The following POLR3B variants were observed in gnomAD, a reference collection of about 807,000 sequenced individuals.
POLR3B encodes the protein RNA polymerase III subunit B, also known as DNA-directed RNA polymerase III subunit RPC2.
POLR3B carries 96 observed loss-of-function variants against 147.4 expected under a neutral mutation model. The observed-to-expected ratio is 0.65, with a 90% CI of 0.55 to 0.77. The LOEUF (loss-of-function observed/expected upper bound fraction) is 0.77. POLR3B is among the 30% of genes least tolerant of loss of function. POLR3B has a pLI of 0.00. For synonymous variants in POLR3B, 461 were observed against 485.9 expected (o/e 0.95, Z 0.67); for missense variants, 1,036 against 1,413.5 (o/e 0.73, Z 4.28).
chr12:106,369,279 C>A lies in POLR3B; in HGVS notation c.232C>A (p.Leu78Ile). 1 of 1,563,332 alleles carries A rather than the reference C, an allele frequency of 6.4e-7. No individual in the cohort carries two copies. Among genetic ancestry groups the A allele is most frequent in the Non-Finnish European group, 8.8e-7 (1 of 1,133,712 alleles). ...CCGCACTAATTTGCTTTTCAGATAT[C>A]TTAATATCTATGTTGGGCTTCCTGA... ...DADPMWYLKY[L>I]NIYVGLPDVE... The change falls in exon 5 of 28, where the codon CTT becomes ATT. Residue 78 changes from leucine to isoleucine, a missense_variant. Coordinates refer to ENST00000228347, the MANE Select transcript of POLR3B (RefSeq NM_018082.6).
chr12:106,422,187 T>A (rs1366734095), intron 12 of POLR3B, among the ~76,000 whole-genome samples: 1 of 152,118 alleles, frequency 6.6e-6, no homozygotes, highest in African/African-American at 2.4e-5. Context: ...GGGGGTGGTT[T>A]TTAATGGCTT....
At chr12:106,405,808 C>G in intron 10 of POLR3B, 49 bp from the exon 11 acceptor site, 1 of 1,594,802 alleles carries the variant, frequency 6.3e-7, no homozygotes, top group Middle Eastern at 1.8e-4. Context: ...GCTTGCTAAA[C>G]TACCTCCAGT....
At chr12:106,481,647 C>G (rs530337199) in intron 23 of POLR3B, among the ~76,000 whole-genome samples, 5 of 152,308 alleles carry the variant, frequency 3.3e-5, no homozygotes, top group Admixed American at 6.5e-5. Context: ...CCCACTGATA[C>G]CACTGTGCCC....
intron 18 of POLR3B, among the ~76,000 whole-genome samples, chr12:106,443,487 T>C (rs2037680240): frequency 6.6e-6 from 1 of 152,160 alleles, no homozygotes; most frequent in African/African-American, 2.4e-5. Flanking sequence ...GTCTAGTGGC[T>C]ATGGTATTGG....
At chr12:106,365,480 G>A (rs1436410282) in intron 2 of POLR3B, among the ~76,000 whole-genome samples, 7 of 152,102 alleles carry the variant, frequency 4.6e-5, no homozygotes, top group Non-Finnish European at 5.9e-5. Context: ...TCTGCCTCCC[G>A]AGTAGCTGTG....
At chr12:106,458,898 T>C (rs979212230) in intron 21 of POLR3B, among the ~76,000 whole-genome samples, 9 of 152,210 alleles carry the variant, frequency 5.9e-5, no homozygotes, top group Non-Finnish European at 1.2e-4. Context: ...TTGAAATAAC[T>C]ATAAATAAAA....
At chr12:106,390,309 G>A (rs2136914232) in intron 9 of POLR3B, among the ~76,000 whole-genome samples, 1 of 143,224 alleles carries the variant, frequency 7.0e-6, no homozygotes, top group East Asian at 2.1e-4. Flanking sequence ...GGAGCATTTT[G>A]GATTTTCAGA....
chr12:106,465,466 A>G (rs1191201243), intron 23 of POLR3B, among the ~76,000 whole-genome samples: 1 of 124,174 alleles, frequency 8.1e-6, no homozygotes, highest in East Asian at 1.9e-4. Context: ...TAATTCCACT[A>G]AACTTTTTTT....
At chr12:106,462,655 G>A (rs2037955576) in intron 22 of POLR3B, among the ~76,000 whole-genome samples, 1 of 152,186 alleles carries the variant, frequency 6.6e-6, no homozygotes, top group Admixed American at 6.5e-5. Context: ...GGTGTCCTTA[G>A]CACACCTCCC....
intron 12 of POLR3B, among the ~76,000 whole-genome samples, chr12:106,416,864 C>G (rs1024133538): frequency 2.0e-5 from 3 of 152,054 alleles, no homozygotes; most frequent in African/African-American, 7.2e-5. Context: ...TCAAACATAC[C>G]ATAATGCTCT....
At chr12:106,409,346 GTTTTTTTTGTTT>G (rs1313330698) in intron 11 of POLR3B, among the ~76,000 whole-genome samples, 25 of 67,474 alleles carry the variant, frequency 3.7e-4, no homozygotes, top group Admixed American at 3.3e-3. Flanking sequence ...TTGTAAGAGG[GTTTTTTTTGTTT>G]TTTTTTTTTT....
intron 12 of POLR3B, among the ~76,000 whole-genome samples, chr12:106,425,530 C>T (rs769844033): frequency 1.3e-5 from 2 of 152,120 alleles, no homozygotes; most frequent in Non-Finnish European, 2.9e-5. Context: ...GTCCTGCCCC[C>T]TTCCCAGGGA....
intron 6 of POLR3B, among the ~76,000 whole-genome samples, chr12:106,373,693 G>A (rs2036639572): frequency 6.6e-6 from 1 of 152,082 alleles, no homozygotes; most frequent in Non-Finnish European, 1.5e-5. Context: ...GGCGGAGGTT[G>A]CAGTGAGCCG....
intron 25 of POLR3B, 22 bp downstream of exon 25, chr12:106,496,940 T>G (rs1213777735): frequency 6.2e-7 from 1 of 1,610,726 alleles, no homozygotes; most frequent in African/African-American, 1.3e-5. Flanking sequence ...ATTGAGCTAT[T>G]TTAAAGAAAA....
At chr12:106,433,561 G>A (rs1264845245) in intron 15 of POLR3B, among the ~76,000 whole-genome samples, 158 bp from the exon 16 acceptor site, 2 of 152,168 alleles carry the variant, frequency 1.3e-5, no homozygotes, top group Non-Finnish European at 2.9e-5. Context: ...TTCTTCCTTT[G>A]TTGCTTCCCT....
intron 9 of POLR3B, among the ~76,000 whole-genome samples, chr12:106,386,791 C>T (rs541098748): frequency 6.6e-6 from 1 of 152,084 alleles, no homozygotes; most frequent in East Asian, 1.9e-4. Flanking sequence ...CCTGTAGTCC[C>T]AGCTACTCAG....
At chr12:106,379,358 G>C (rs2254755) in intron 8 of POLR3B, among the ~76,000 whole-genome samples, 91,557 of 152,076 alleles carry the variant, frequency 0.6, 27,837 homozygotes, top group East Asian at 0.77. Flanking sequence ...TGTGCAGTTA[G>C]TTAGCTTCTC....
chr12:106,377,913 C>A (rs1403539432), intron 7 of POLR3B, among the ~76,000 whole-genome samples: 3 of 152,004 alleles, frequency 2.0e-5, no homozygotes, highest in Non-Finnish European at 4.4e-5. Context: ...CATAGTGAGA[C>A]CCTGTTGTTA....
Position 106,380,275 on chromosome 12 carries a change from A to G in POLR3B, c.723+136A>G, listed in dbSNP as rs887956226. On this transcript the variant is annotated intron_variant, in intron 9 of 27. Transcript: ENST00000228347. Reference sequence around the variant, plus strand: ...ATGTAAGTTGTCAGTCATATGATGTATTTTAAATTGAAAGCTGGCTGGGCG... The same window carrying G: ...ATGTAAGTTGTCAGTCATATGATGTGTTTTAAATTGAAAGCTGGCTGGGCG... The G allele has an allele frequency of 6.0e-6, 4 of 666,052 alleles. No homozygotes were observed. The African/African-American group carries it at 7.2e-5, about 12-fold the overall frequency. 41.3% of individuals were successfully genotyped at this position (666,052 alleles called of 1,614,324 possible).
Sources: allele counts gnomAD v4.1 joint callset (sites outside exome capture counted in the v4.1 genomes callset), GRCh38; gene constraint gnomAD v4.1.1; transcripts MANE v1.5; gene names NCBI Gene and HGNC (gene_info 2026-07-23, HGNC 2026-07-21).